Variants in LRP1B observed in about 807,000 individuals in gnomAD.
The protein encoded by LRP1B is low-density lipoprotein receptor-related protein 1B.
In LRP1B, 217 loss-of-function variants were observed where a neutral mutation model predicts 556.6. That is an observed-to-expected ratio of 0.39 (90% CI 0.35 to 0.44). The LOEUF (loss-of-function observed/expected upper bound fraction) is 0.44, where lower values mean the gene tolerates loss of function less well. Ranked by LOEUF, LRP1B falls within the 20% of genes least tolerant of loss-of-function variation. The pLI is 1.00. For missense variants in LRP1B, 5,053 were observed against 5,620.8 expected (o/e 0.90, Z 3.23); for synonymous variants, 2,047 against 1,865.8 (o/e 1.10, Z -2.50).
chr2:141,118,665 T>C (rs562027622), intron 7 of LRP1B, among the ~76,000 whole-genome samples: 2 of 152,074 alleles, frequency 1.3e-5, no homozygotes, highest in East Asian at 3.9e-4. Context: ...GACCACACTG[T>C]ATTCTAAACA....
chr2:141,012,787 T>C (rs1479628456), intron 14 of LRP1B, among the ~76,000 whole-genome samples: 1 of 151,920 alleles, frequency 6.6e-6, no homozygotes, highest in East Asian at 1.9e-4. Context: ...GCATACGTGT[T>C]AGGAAATTCA....
intron 86 of LRP1B, among the ~76,000 whole-genome samples, chr2:140,267,576 C>T (rs775084060): frequency 7.2e-5 from 11 of 151,924 alleles, no homozygotes; most frequent in Non-Finnish European, 1.3e-4. Context: ...AAATTGTGTC[C>T]GTGCTGAGCC....
At chr2:141,588,677 A>G (rs963457441) in intron 2 of LRP1B, among the ~76,000 whole-genome samples, 3 of 152,182 alleles carry the variant, frequency 2.0e-5, no homozygotes, top group African/African-American at 4.8e-5. Flanking sequence ...GGCCTGCCAC[A>G]AGAAGTTGTA....
chr2:142,117,030 T>A (rs1197965441), intron 1 of LRP1B, among the ~76,000 whole-genome samples: 2 of 152,184 alleles, frequency 1.3e-5, no homozygotes, highest in African/African-American at 4.8e-5. Context: ...TCCTTCCACA[T>A]TTCACTAACA....
At chr2:141,801,988 A>G (rs1696022253) in intron 2 of LRP1B, among the ~76,000 whole-genome samples, 1 of 152,116 alleles carries the variant, frequency 6.6e-6, no homozygotes. Flanking sequence ...TTATTTTCCT[A>G]CAGTTCTGGG....
At chr2:140,803,199 C>T (rs1349925201) in intron 32 of LRP1B, among the ~76,000 whole-genome samples, 2 of 150,222 alleles carry the variant, frequency 1.3e-5, no homozygotes, top group Non-Finnish European at 3.0e-5. Flanking sequence ...CTCTTCTGTC[C>T]TTCATAATAC....
intron 1 of LRP1B, among the ~76,000 whole-genome samples, chr2:141,847,133 A>T (rs1237166716): frequency 6.6e-6 from 1 of 151,620 alleles, no homozygotes. Context: ...AACTAATAAG[A>T]GAACTCAGCA....
intron 2 of LRP1B, among the ~76,000 whole-genome samples, chr2:141,634,387 T>G (rs1689025733): frequency 6.6e-6 from 1 of 151,920 alleles, no homozygotes; most frequent in East Asian, 1.9e-4. Context: ...TTTATAGAAA[T>G]TAGCAGCTAG....
At chr2:140,668,229 G>A (rs1461772038) in intron 41 of LRP1B, among the ~76,000 whole-genome samples, 1 of 138,188 alleles carries the variant, frequency 7.2e-6, no homozygotes, top group African/African-American at 2.7e-5. Flanking sequence ...AGAATGGCGT[G>A]AACCCGGGAG....
chr2:140,241,993 A>G lies in LRP1B; in HGVS notation c.13325-2461T>C, dbSNP rs570080023. Reference sequence around the variant, plus strand: ...AATAGAGCAAGTCTTTTTTTGCAACATGGTTCTGAAACCTCATCATGCAAC... The same window carrying G: ...AATAGAGCAAGTCTTTTTTTGCAACGTGGTTCTGAAACCTCATCATGCAAC... On this transcript the variant is annotated intron_variant, in intron 87 of 90. Transcript: ENST00000389484. Among the ~76,000 whole-genome samples, 29 of 150,956 alleles carry G rather than the reference A, an allele frequency of 1.9e-4. 1 individual carries two copies. In the South Asian group the frequency reaches 6.0e-3, roughly 31 times the overall value.
At chr2:141,698,592 T>C (rs1450410827) in intron 2 of LRP1B, among the ~76,000 whole-genome samples, 2 of 151,868 alleles carry the variant, frequency 1.3e-5, no homozygotes, top group African/African-American at 4.8e-5. Flanking sequence ...CCACCTATCT[T>C]CAAGCTATGT....
rs1028833230 is a variant in LRP1B, at chr2:140,689,962, A to G, written c.6799+10288T>C. Among the ~76,000 whole-genome samples, 17 of 152,278 alleles carry G rather than the reference A, an allele frequency of 1.1e-4. 1 individual carries two copies. The highest frequency in any genetic ancestry group is 7.8e-4 in the Admixed American group (12 of 15,288). ...AAACTTTTCAGCTTTATGTCTTGTT[A>G]TGGTTTTAATTCTCAATATAAAACT... is the stretch of plus-strand genomic sequence containing the variant. On this transcript the variant is annotated intron_variant, in intron 41 of 90. Transcript: ENST00000389484.
intron 7 of LRP1B, among the ~76,000 whole-genome samples, chr2:141,078,621 GAGAGAA>G (rs3063770): frequency 0.85 from 128,059 of 151,452 alleles, 54,515 homozygotes; most frequent in Non-Finnish European, 0.89. Flanking sequence ...CCAAGAGGGA[GAGAGAA>G]AGAGAAAGAG....
intron 2 of LRP1B, among the ~76,000 whole-genome samples, chr2:141,675,375 T>A (rs1480761415): frequency 4.0e-5 from 6 of 151,896 alleles, no homozygotes; most frequent in Admixed American, 1.3e-4. Context: ...TAAGATTGTA[T>A]CTTTAACCCA....
rs539867412 is a variant in LRP1B, at chr2:140,532,929, G to GATAT, written c.7762+1088_7762+1091dup. 2.6e-3 allele frequency among the ~76,000 whole-genome samples: 130 copies of GATAT among 50,404 alleles called. 1 individual carries two copies. The highest frequency in any genetic ancestry group is 0.01 in the South Asian group (12 of 1,144). The allele number at this position is 50,404 out of a possible 152,430, so 33.1% of individuals were successfully genotyped here. On this transcript the variant is annotated intron_variant, in intron 47 of 90. Transcript: ENST00000389484. Reference sequence around the variant, plus strand: ...TCTTACGTGTGCAATCACAGCACAAGATATATATATATATATATACACATA... The same window carrying GATAT: ...TCTTACGTGTGCAATCACAGCACAAGATATATATATATATATATATATACACATA...
chr2:140,442,442 G>A, intron 66 of LRP1B, 62 bp downstream of exon 66: 1 of 1,561,846 alleles, frequency 6.4e-7, no homozygotes, highest in Non-Finnish European at 8.7e-7. Flanking sequence ...TTGTTTAACT[G>A]TGGTTGTCGC....
chr2:141,557,851 C>T (rs1367702693), intron 2 of LRP1B, among the ~76,000 whole-genome samples: 1 of 151,838 alleles, frequency 6.6e-6, no homozygotes, highest in Non-Finnish European at 1.5e-5. Context: ...AAATAGGGAC[C>T]TACATGTGGG....
At chr2:141,575,248 G>A (rs1197064894) in intron 2 of LRP1B, among the ~76,000 whole-genome samples, 1 of 152,108 alleles carries the variant, frequency 6.6e-6, no homozygotes, top group African/African-American at 2.4e-5. Flanking sequence ...GCATGGTATT[G>A]GTACCAAAAC....
intron 1 of LRP1B, among the ~76,000 whole-genome samples, chr2:142,057,287 T>C (rs890364228): frequency 2.6e-5 from 4 of 152,166 alleles, no homozygotes; most frequent in African/African-American, 9.6e-5. Flanking sequence ...GTTTCATTTA[T>C]GTAAGAAGGC....
Sources: allele counts gnomAD v4.1 joint callset (sites outside exome capture counted in the v4.1 genomes callset), GRCh38; gene constraint gnomAD v4.1.1; transcripts MANE v1.5; gene names NCBI Gene and HGNC (gene_info 2026-07-23, HGNC 2026-07-21).